Variants in THSD7A observed in about 807,000 individuals in gnomAD.
THSD7A encodes thrombospondin type-1 domain-containing protein 7A.
In THSD7A, 96 loss-of-function variants were observed where a neutral mutation model predicts 231.3. The observed-to-expected ratio is 0.41, with a 90% CI of 0.35 to 0.49. The LOEUF (loss-of-function observed/expected upper bound fraction) is 0.49, where lower values mean the gene tolerates loss of function less well. Among genes scored for constraint, THSD7A ranks in the 20% least tolerant of loss-of-function variants. THSD7A has a pLI of 0.05. For synonymous variants in THSD7A, 940 were observed against 743.3 expected (o/e 1.26, Z -4.30); for missense variants, 2,290 against 2,070.2 (o/e 1.11, Z -2.06).
chr7:11,532,725 A>G (rs1012563393), intron 6 of THSD7A, among the ~76,000 whole-genome samples: 7 of 152,320 alleles, frequency 4.6e-5, no homozygotes, highest in African/African-American at 1.4e-4. Context: ...AATGTTAAAA[A>G]TGTCCATTTA....
chr7:11,464,600 C>G (rs1562630426), intron 9 of THSD7A, among the ~76,000 whole-genome samples: 1 of 152,084 alleles, frequency 6.6e-6, no homozygotes, highest in African/African-American at 2.4e-5. Flanking sequence ...ATCACAAACT[C>G]CACAAATTAG....
chr7:11,606,790 T>TA (rs779415642), intron 2 of THSD7A, among the ~76,000 whole-genome samples: 12 of 152,076 alleles, frequency 7.9e-5, no homozygotes, highest in Non-Finnish European at 1.6e-4. Context: ...TAAAGCAAAA[T>TA]ATATTTGTAG....
intron 13 of THSD7A, among the ~76,000 whole-genome samples, chr7:11,443,942 A>C (rs1784881364): frequency 6.6e-6 from 1 of 152,090 alleles, no homozygotes; most frequent in Non-Finnish European, 1.5e-5. Context: ...TTGTGTGAAG[A>C]ACTTAAACAA....
intron 11 of THSD7A, among the ~76,000 whole-genome samples, chr7:11,454,983 T>C (rs372305198): frequency 6.6e-6 from 1 of 152,006 alleles, no homozygotes; most frequent in African/African-American, 2.4e-5. Flanking sequence ...CAGATCCACA[T>C]GTTGAAATCA....
At chr7:11,628,778 C>A (rs1436357629) in intron 2 of THSD7A, among the ~76,000 whole-genome samples, 2 of 152,064 alleles carry the variant, frequency 1.3e-5, no homozygotes, top group Non-Finnish European at 2.9e-5. Flanking sequence ...AATGAGTAAA[C>A]TAACAATGAC....
rs148097022 is a variant in THSD7A at position 11,528,302 on chromosome 7, G to A, written c.1822+13117C>T. Among the ~76,000 whole-genome samples, 3 of 152,252 alleles carry A rather than the reference G, an allele frequency of 2.0e-5. No homozygotes were observed. The East Asian group carries it at 5.8e-4, about 29-fold the overall frequency. ...CAAATTTATATAGTGACTGCAAAGA[G>A]CTCCAATGTCTCTTTTAATTATTTC... is the stretch of plus-strand genomic sequence containing the variant. On this transcript the variant is annotated intron_variant, in intron 6 of 27. Transcript: ENST00000423059.
At chr7:11,681,763 C>G (rs1362693476) in intron 1 of THSD7A, among the ~76,000 whole-genome samples, 1 of 151,730 alleles carries the variant, frequency 6.6e-6, no homozygotes, top group Non-Finnish European at 1.5e-5. Flanking sequence ...ATCCAAAGTC[C>G]TGTGAGATAC....
chr7:11,682,271 G>C (rs925706254), intron 1 of THSD7A, among the ~76,000 whole-genome samples: 23 of 152,138 alleles, frequency 1.5e-4, no homozygotes, highest in Non-Finnish European at 3.1e-4. Context: ...AACCATGAAT[G>C]TAAACAGCCT....
At chr7:11,437,881 C>G (rs373780687) in intron 13 of THSD7A, among the ~76,000 whole-genome samples, 1 of 151,972 alleles carries the variant, frequency 6.6e-6, no homozygotes, top group Non-Finnish European at 1.5e-5. Flanking sequence ...TTATTCTCTA[C>G]CCATATTCAT....
At chr7:11,714,891 T>C (rs897284756) in intron 1 of THSD7A, among the ~76,000 whole-genome samples, 1 of 151,360 alleles carries the variant, frequency 6.6e-6, no homozygotes, top group East Asian at 2.0e-4. Flanking sequence ...GGAAAAGGCA[T>C]GTCAAGGTTA....
chr7:11,566,474 T>A (rs762315787), intron 4 of THSD7A, among the ~76,000 whole-genome samples: 4 of 152,198 alleles, frequency 2.6e-5, no homozygotes, highest in Non-Finnish European at 5.9e-5. Context: ...TAGATCACCC[T>A]TTGAGGAACA....
chr7:11,749,923 C>T (rs1376170638), intron 1 of THSD7A, among the ~76,000 whole-genome samples: 3 of 151,774 alleles, frequency 2.0e-5, no homozygotes, highest in African/African-American at 7.3e-5. Context: ...ACCACTGAGG[C>T]TGTATGAACA....
intron 1 of THSD7A, among the ~76,000 whole-genome samples, chr7:11,794,366 T>A (rs1784055722): frequency 6.6e-6 from 1 of 151,996 alleles, no homozygotes; most frequent in South Asian, 2.1e-4. Flanking sequence ...TCCAACTGAA[T>A]AGCATCCTCT....
intron 6 of THSD7A, among the ~76,000 whole-genome samples, chr7:11,486,367 C>A (rs1034339973): frequency 9.9e-5 from 15 of 152,168 alleles, no homozygotes; most frequent in African/African-American, 3.6e-4. Flanking sequence ...AATTTATACT[C>A]CTCTATTTGG....
intron 6 of THSD7A, among the ~76,000 whole-genome samples, chr7:11,504,210 C>T (rs556152674): frequency 3.3e-5 from 5 of 152,090 alleles, no homozygotes; most frequent in Non-Finnish European, 7.4e-5. Flanking sequence ...AATGCAGGAA[C>T]AGAAAATCAA....
At chr7:11,812,140 T>TGTGA (rs377112108) in intron 1 of THSD7A, among the ~76,000 whole-genome samples, 25,505 of 146,792 alleles carry the variant, frequency 0.17, 2,834 homozygotes, top group South Asian at 0.3. Flanking sequence ...TGTGTGTGTG[T>TGTGA]GGGAGACAGA....
chr7:11,471,946 T>C (rs1482630977), intron 8 of THSD7A, among the ~76,000 whole-genome samples: 1 of 152,148 alleles, frequency 6.6e-6, no homozygotes, highest in Non-Finnish European at 1.5e-5. Flanking sequence ...CTCAGTTGCA[T>C]GCTCCTCAGA....
chr7:11,676,126 G>C (rs1483686188), intron 1 of THSD7A, among the ~76,000 whole-genome samples: 1 of 152,158 alleles, frequency 6.6e-6, no homozygotes, highest in Non-Finnish European at 1.5e-5. Context: ...GGAAAACAGG[G>C]TCTGGAGTGG....
At chr7:11,741,718 G>A (rs938282533) in intron 1 of THSD7A, among the ~76,000 whole-genome samples, 5 of 151,782 alleles carry the variant, frequency 3.3e-5, no homozygotes, top group African/African-American at 1.2e-4. Flanking sequence ...AGTAAGATAA[G>A]TCAATTTTTG....
Sources: allele counts gnomAD v4.1 joint callset (sites outside exome capture counted in the v4.1 genomes callset), GRCh38; gene constraint gnomAD v4.1.1; transcripts MANE v1.5; gene names NCBI Gene and HGNC (gene_info 2026-07-23, HGNC 2026-07-21).